Variants in FRMD6 observed in about 807,000 individuals in gnomAD.
FRMD6 encodes FERM domain-containing protein 6.
Under a neutral mutation model 73.2 loss-of-function variants are expected in FRMD6, and 37 were observed. The ratio of observed to expected loss-of-function variants is 0.51; its 90% CI spans 0.39 to 0.66. FRMD6 has a LOEUF of 0.66. Ranked by LOEUF, FRMD6 falls within the 30% of genes least tolerant of loss-of-function variation. The pLI, the probability that FRMD6 is intolerant of heterozygous loss-of-function variation, is 0.00. For synonymous variants in FRMD6, 273 were observed against 282.2 expected (o/e 0.97, Z 0.33); for missense variants, 714 against 780.5 (o/e 0.91, Z 1.02).
intron 8 of FRMD6, 34 bp downstream of exon 8, chr14:51,711,630 G>T (rs1385916149): frequency 1.4e-6 from 2 of 1,474,656 alleles, no homozygotes; most frequent in African/African-American, 1.4e-5. Flanking sequence ...AATGCTGTCA[G>T]CCATGTCTTC....
chr14:51,447,440 C>T, the FRMD6 span, among the ~76,000 whole-genome samples: 1 of 152,128 alleles, frequency 6.6e-6, no homozygotes, highest in African/African-American at 2.4e-5. Context: ...AGGAAGACGT[C>T]GTACTTATGG....
chr14:51,532,364 A>G (rs1471098105), intron 1 of FRMD6, among the ~76,000 whole-genome samples: 11 of 88,698 alleles, frequency 1.2e-4, no homozygotes, highest in Admixed American at 3.5e-4. Context: ...GCGAGACTCC[A>G]TCTCAAAAAA....
chr14:51,503,736 T>C (rs1883764453), intron 1 of FRMD6, among the ~76,000 whole-genome samples: 2 of 151,706 alleles, frequency 1.3e-5, no homozygotes, highest in Non-Finnish European at 2.9e-5. Flanking sequence ...GCTGGCTTCA[T>C]AGAATGAATT....
chr14:51,665,215 G>T lies in FRMD6; in HGVS notation c.-147+13219G>T, dbSNP rs113438700. Among the ~76,000 whole-genome samples the T allele has an allele frequency of 8.8e-3, 1,338 of 152,326 alleles. 20 individuals carry two copies. Among genetic ancestry groups the T allele is most frequent in the African/African-American group, 0.029 (1,198 of 41,574 alleles). On this transcript the variant is annotated intron_variant, in intron 1 of 13. Coordinates refer to ENST00000344768, the MANE Select transcript of FRMD6 (RefSeq NM_001267046.2). ...AAAATTTGAAGGCCTGGCAAGGTCT[G>T]TTGTAGCAACATAACAGCTTCCCCC...
At chr14:51,708,319 T>C in intron 7 of FRMD6, 86 bp downstream of exon 7, 1 of 1,291,842 alleles carries the variant, frequency 7.7e-7, no homozygotes. Context: ...GGATTTCATT[T>C]CCATTAAAAC....
intron 1 of FRMD6, among the ~76,000 whole-genome samples, chr14:51,686,649 A>G (rs1420223006): frequency 6.6e-6 from 1 of 152,100 alleles, no homozygotes; most frequent in African/African-American, 2.4e-5. Context: ...TTACTACCAC[A>G]TGGTCTACCC....
At chr14:51,645,845 G>A (rs149101992) in intron 2 of FRMD6, among the ~76,000 whole-genome samples, 121 of 152,080 alleles carry the variant, frequency 8.0e-4, no homozygotes, top group African/African-American at 2.8e-3. Context: ...CCTACCCAGG[G>A]TAACTAAATT....
chr14:51,606,495 G>A (rs1445924573), intron 2 of FRMD6, among the ~76,000 whole-genome samples: 1 of 152,090 alleles, frequency 6.6e-6, no homozygotes, highest in Non-Finnish European at 1.5e-5. Context: ...CATCACCTCT[G>A]TCCTAATGAT....
intron 2 of FRMD6, among the ~76,000 whole-genome samples, chr14:51,622,926 C>T (rs1368012936): frequency 2.0e-5 from 3 of 152,054 alleles, no homozygotes; most frequent in South Asian, 2.1e-4. Context: ...TCATCAAGCT[C>T]GGCTAATTTT....
At chr14:51,725,133 A>G (rs1658522197) in intron 12 of FRMD6, among the ~76,000 whole-genome samples, 1 of 152,204 alleles carries the variant, frequency 6.6e-6, no homozygotes. Flanking sequence ...GTATCCATGT[A>G]TAGTCCCTGT....
chr14:51,565,703 A>T (rs76616964), intron 1 of FRMD6, among the ~76,000 whole-genome samples: 1 of 150,854 alleles, frequency 6.6e-6, no homozygotes, highest in African/African-American at 2.4e-5. Flanking sequence ...TCCATTAACT[A>T]TGAAGGAAAT....
At chr14:51,687,100 T>A (rs1895215564) in intron 1 of FRMD6, among the ~76,000 whole-genome samples, 1 of 152,196 alleles carries the variant, frequency 6.6e-6, no homozygotes, top group African/African-American at 2.4e-5. Flanking sequence ...TGCTGCATAT[T>A]TGAGCCATAA....
At chr14:51,561,058 A>G (rs17586183) in intron 1 of FRMD6, among the ~76,000 whole-genome samples, 21,988 of 152,194 alleles carry the variant, frequency 0.14, 1,769 homozygotes, top group Non-Finnish European at 0.16. Context: ...GTAACTTGCC[A>G]TCCCACTTGA....
At chr14:51,667,615 A>C (rs1305188290) in intron 1 of FRMD6, among the ~76,000 whole-genome samples, 2 of 152,208 alleles carry the variant, frequency 1.3e-5, no homozygotes, top group Non-Finnish European at 2.9e-5. Context: ...GCCATTTCTG[A>C]AATCTCTTTT....
chr14:51,562,092 A>T (rs1887515047), intron 1 of FRMD6, among the ~76,000 whole-genome samples: 1 of 152,204 alleles, frequency 6.6e-6, no homozygotes, highest in Non-Finnish European at 1.5e-5. Flanking sequence ...TTGCTCCTTC[A>T]ACTCCAAGAC....
At chr14:51,703,660 C>A (rs996845560) in intron 5 of FRMD6, among the ~76,000 whole-genome samples, 3 of 151,990 alleles carry the variant, frequency 2.0e-5, no homozygotes, top group African/African-American at 7.2e-5. Flanking sequence ...CAGGCATGAA[C>A]CAGTCCAAAC....
chr14:51,473,793 G>T, the FRMD6 span, among the ~76,000 whole-genome samples: 1 of 151,058 alleles, frequency 6.6e-6, no homozygotes, highest in Non-Finnish European at 1.5e-5. Context: ...TTGTAGTCCT[G>T]GTCTTGGAGC....
the FRMD6 span, among the ~76,000 whole-genome samples, chr14:51,469,907 G>A: frequency 6.6e-6 from 1 of 151,884 alleles, no homozygotes; most frequent in Non-Finnish European, 1.5e-5. Flanking sequence ...AGTTTTATTT[G>A]GGGGAAGGTT....
intron 1 of FRMD6, among the ~76,000 whole-genome samples, chr14:51,510,574 A>T (rs2140252519): frequency 6.6e-6 from 1 of 152,318 alleles, no homozygotes; most frequent in East Asian, 1.9e-4. Context: ...CTCGTGAAGG[A>T]GAGCTCTGTA....
Sources: allele counts gnomAD v4.1 joint callset (sites outside exome capture counted in the v4.1 genomes callset), GRCh38; gene constraint gnomAD v4.1.1; transcripts MANE v1.5; gene names NCBI Gene and HGNC (gene_info 2026-07-23, HGNC 2026-07-21).